PXDNL: variants seen among roughly 807,000 people sequenced by gnomAD.
The protein encoded by PXDNL is probable oxidoreductase PXDNL.
Under a neutral mutation model 150.8 loss-of-function variants are expected in PXDNL, and 145 were observed. The observed-to-expected ratio is 0.96, with a 90% CI of 0.84 to 1.10. The LOEUF (loss-of-function observed/expected upper bound fraction) is 1.10, where lower values mean the gene tolerates loss of function less well. PXDNL is among the 50% of genes least tolerant of loss of function. The probability of loss-of-function intolerance (pLI) is 0.00; values close to 1 mark genes in which losing one functional copy is unlikely to be tolerated. For synonymous variants in PXDNL, 757 were observed against 725.7 expected (o/e 1.04, Z -0.69); for missense variants, 2,087 against 1,873.9 (o/e 1.11, Z -2.10).
intron 17 of PXDNL, among the ~76,000 whole-genome samples, chr8:51,407,083 A>G (rs1053532076): frequency 3.9e-5 from 6 of 152,214 alleles, no homozygotes; most frequent in Non-Finnish European, 2.9e-5. Flanking sequence ...TTTACTTTTC[A>G]CAGGCTCTCG....
intron 7 of PXDNL, among the ~76,000 whole-genome samples, chr8:51,473,765 AG>A (rs1810409328): frequency 6.7e-6 from 1 of 149,000 alleles, no homozygotes; most frequent in Non-Finnish European, 1.5e-5. Flanking sequence ...AAAAAAAAAC[AG>A]TAAGTGACTG....
intron 5 of PXDNL, among the ~76,000 whole-genome samples, chr8:51,491,719 A>C (rs1810900122): frequency 6.6e-6 from 1 of 152,128 alleles, no homozygotes; most frequent in South Asian, 2.1e-4. Flanking sequence ...TTGGTGGTTT[A>C]TTGGCTACAC....
chr8:51,568,203 A>G (rs77369449), intron 3 of PXDNL, among the ~76,000 whole-genome samples: 6,405 of 151,814 alleles, frequency 0.042, 290 homozygotes, highest in African/African-American at 0.12. Context: ...TTCCTTCTCT[A>G]TTGCTCCACC....
At chr8:51,370,327 C>A (rs979794816) in intron 19 of PXDNL, among the ~76,000 whole-genome samples, 1 of 152,182 alleles carries the variant, frequency 6.6e-6, no homozygotes, top group Non-Finnish European at 1.5e-5. Flanking sequence ...ACAGCCCACA[C>A]CCTGCCATGC....
chr8:51,394,845 C>T (rs1228227897), intron 17 of PXDNL, among the ~76,000 whole-genome samples: 1 of 152,096 alleles, frequency 6.6e-6, no homozygotes, highest in African/African-American at 2.4e-5. Flanking sequence ...TCTGCTCTGC[C>T]CAGGATCCAA....
Position 51,457,586 on chromosome 8 carries a change from T to G in PXDNL, c.894A>C (p.Ser298=). The G allele has an allele frequency of 6.2e-7, 1 of 1,613,974 alleles. No homozygotes were observed. Among genetic ancestry groups the G allele is most frequent in the East Asian group, 2.2e-5 (1 of 44,868 alleles). ...CCATGCACTGATAGACACCTTGGTCTGACTCTCTGGTGTTTCGGATCATGA... is the reference window on the plus strand; with the variant it reads ...CCATGCACTGATAGACACCTTGGTCGGACTCTCTGGTGTTTCGGATCATGA... ...GTLMIRNTRE[S]DQGVYQCMAR... Residue 298 remains serine, a synonymous_variant, in exon 9 of 23, where the codon TCA becomes TCC. Coordinates refer to ENST00000356297, the MANE Select transcript of PXDNL (RefSeq NM_144651.5).
At chr8:51,676,197 T>C (rs1440318878) in intron 1 of PXDNL, among the ~76,000 whole-genome samples, 1 of 152,196 alleles carries the variant, frequency 6.6e-6, no homozygotes, top group Non-Finnish European at 1.5e-5. Flanking sequence ...TTGCATCTTC[T>C]AAACCCTTTG....
chr8:51,470,530 C>T (rs1481884462), intron 8 of PXDNL, among the ~76,000 whole-genome samples: 1 of 152,084 alleles, frequency 6.6e-6, no homozygotes, highest in African/African-American at 2.4e-5. Context: ...ATTACCATAA[C>T]TAATGATAAT....
At position 51,374,675 on chromosome 8, in the gene PXDNL, A is replaced by T. The variant is rs1807244114; in HGVS notation, c.3614T>A (p.Leu1205Gln). ...TGGTCCCACTCTTGTACCAGGAATC[A>T]GGTCTTCAACCATAAGGGCGGGCCA... Reference protein sequence around the residue: ...DLWPALMVEDLIPGTRVGPTL... With the variant: ...DLWPALMVEDQIPGTRVGPTL... The change falls in exon 18 of 23, where the codon CTG (leucine) becomes CAG (glutamine). Residue 1205 changes from leucine (L) to glutamine (Q), a missense_variant. Transcript: ENST00000356297. 1 of 1,613,880 alleles carries T rather than the reference A, an allele frequency of 6.2e-7. No homozygotes were observed. Among genetic ancestry groups the T allele is most frequent in the African/African-American group, 1.3e-5 (1 of 74,930 alleles).
intron 1 of PXDNL, among the ~76,000 whole-genome samples, chr8:51,796,014 T>G (rs961299069): frequency 1.3e-5 from 2 of 152,222 alleles, no homozygotes; most frequent in African/African-American, 4.8e-5. Flanking sequence ...TGTACTCACT[T>G]TAAGCTATTT....
At chr8:51,517,831 C>T (rs1776021079) in intron 4 of PXDNL, among the ~76,000 whole-genome samples, 2 of 152,190 alleles carry the variant, frequency 1.3e-5, no homozygotes, top group Admixed American at 6.5e-5. Flanking sequence ...ATATTAATGA[C>T]TATTTTTTTA....
intron 4 of PXDNL, among the ~76,000 whole-genome samples, chr8:51,547,491 G>C (rs1465175397): frequency 1.3e-5 from 2 of 152,170 alleles, no homozygotes; most frequent in African/African-American, 4.8e-5. Flanking sequence ...ATGGCTGGGA[G>C]ACCTAAAGAC....
At chr8:51,379,983 TTTCTA>T (rs1298618566) in intron 17 of PXDNL, among the ~76,000 whole-genome samples, 1 of 152,194 alleles carries the variant, frequency 6.6e-6, no homozygotes, top group Non-Finnish European at 1.5e-5. Context: ...TTCTTGTGGC[TTTCTA>T]TTCTATTCTA....
In PXDNL at chr8:51,534,093, C is replaced by T. The variant is rs544540139; in HGVS notation, c.380+22747G>A. ...CTAGGAAGTGAGGCGTGTCTCTGCC[C>T]GGCCGCCCATGTCTGAGATGTGGGG... On this transcript the variant is annotated intron_variant, in intron 4 of 22. Transcript: ENST00000356297. Among the ~76,000 whole-genome samples, 7 of 144,392 alleles carry T rather than the reference C, an allele frequency of 4.8e-5. 1 individual carries two copies. The highest frequency in any genetic ancestry group is 4.4e-4 in the South Asian group (2 of 4,592). The allele number at this position is 144,392 out of a possible 152,430, so 94.7% of individuals were successfully genotyped here.
intron 1 of PXDNL, among the ~76,000 whole-genome samples, chr8:51,717,261 G>A (rs1585697264): frequency 6.6e-6 from 1 of 152,194 alleles, no homozygotes; most frequent in Admixed American, 6.5e-5. Context: ...CCAGAAAACA[G>A]AGCTTGAGAT....
At chr8:51,534,347 G>A (rs1261371974) in intron 4 of PXDNL, among the ~76,000 whole-genome samples, 2 of 146,454 alleles carry the variant, frequency 1.4e-5, no homozygotes, top group African/African-American at 2.7e-5. Context: ...CGTCCGGGAG[G>A]GAGGTGGGGG....
chr8:51,506,052 T>G (rs568631342), intron 4 of PXDNL, among the ~76,000 whole-genome samples: 11 of 152,358 alleles, frequency 7.2e-5, no homozygotes, highest in African/African-American at 2.6e-4. Context: ...TTGACTGAAT[T>G]ATCATAATCT....
chr8:51,752,073 CTCTG>C (rs1206353123), intron 1 of PXDNL, among the ~76,000 whole-genome samples: 12 of 152,328 alleles, frequency 7.9e-5, no homozygotes, highest in Non-Finnish European at 1.2e-4. Context: ...GTTCTAAACT[CTCTG>C]TCTAACTGTA....
At chr8:51,733,859 TATATG>T (rs1298653522) in intron 1 of PXDNL, among the ~76,000 whole-genome samples, 1 of 147,332 alleles carries the variant, frequency 6.8e-6, no homozygotes, top group Non-Finnish European at 1.5e-5. Flanking sequence ...ATATATATGA[TATATG>T]ATATATTTTA....
Sources: allele counts gnomAD v4.1 joint callset (sites outside exome capture counted in the v4.1 genomes callset), GRCh38; gene constraint gnomAD v4.1.1; transcripts MANE v1.5; gene names NCBI Gene and HGNC (gene_info 2026-07-23, HGNC 2026-07-21).